BICRAL: variants seen among roughly 807,000 people sequenced by gnomAD.
The protein encoded by BICRAL is BRD4-interacting chromatin-remodeling complex-associated protein-like.
BICRAL carries 8 observed loss-of-function variants against 91.8 expected under a neutral mutation model. The ratio of observed to expected loss-of-function variants is 0.09; its 90% CI spans 0.05 to 0.16. BICRAL has a LOEUF of 0.16. Ranked by LOEUF, BICRAL falls within the 10% of genes least tolerant of loss-of-function variation. BICRAL has a pLI of 1.00. For synonymous variants in BICRAL, 445 were observed against 491.1 expected (o/e 0.91, Z 1.24); for missense variants, 1,038 against 1,310.9 (o/e 0.79, Z 3.21).
At chr6:42,812,751 G>A (rs1026868397) in intron 2 of BICRAL, among the ~76,000 whole-genome samples, 1 of 152,082 alleles carries the variant, frequency 6.6e-6, no homozygotes, top group African/African-American at 2.4e-5. Flanking sequence ...ACTAAAAAAG[G>A]CCAGGCATGG....
chr6:42,780,918 G>A (rs1056064646), upstream of BICRAL, among the ~76,000 whole-genome samples: 1 of 152,122 alleles, frequency 6.6e-6, no homozygotes, highest in South Asian at 2.1e-4. Flanking sequence ...TGTATTTTTA[G>A]TAGAGACAGG....
intron 6 of BICRAL, among the ~76,000 whole-genome samples, chr6:42,834,107 G>C (rs1333826926): frequency 6.6e-6 from 1 of 152,230 alleles, no homozygotes; most frequent in Non-Finnish European, 1.5e-5. Context: ...GCCTGATTCG[G>C]CCTCCCGGAG....
At chr6:42,845,532 T>A (rs1764980509) in intron 6 of BICRAL, among the ~76,000 whole-genome samples, 1 of 151,984 alleles carries the variant, frequency 6.6e-6, no homozygotes, top group Admixed American at 6.6e-5. Flanking sequence ...CCAGGAAGTA[T>A]AGTGTAGCAC....
Position 42,826,033 on chromosome 6 carries a change from G to A in BICRAL, c.160-2460G>A, listed in dbSNP as rs117441403. Among the ~76,000 whole-genome samples the A allele has an allele frequency of 6.4e-3, 952 of 148,878 alleles. 50 individuals carry two copies. The East Asian group carries it at 0.13, about 21-fold the overall frequency. ...AGGAAGGCGGAAGTTGCAGTGAGTC[G>A]AGATCGGGCCACTGCACTCCAGCAT... On this transcript the variant is annotated intron_variant, in intron 5 of 12. Transcript: ENST00000314073.
At chr6:42,828,265 G>A (rs577260336) in intron 5 of BICRAL, among the ~76,000 whole-genome samples, 2 of 152,120 alleles carry the variant, frequency 1.3e-5, no homozygotes, top group South Asian at 2.1e-4. Flanking sequence ...GCTGGGCGCG[G>A]TGGCAGGCGC....
intron 1 of BICRAL, among the ~76,000 whole-genome samples, chr6:42,787,208 G>A (rs1281945588): frequency 6.6e-6 from 1 of 152,144 alleles, no homozygotes; most frequent in Non-Finnish European, 1.5e-5. Context: ...GGAATCAAGG[G>A]TGCCTTCAGG....
chr6:42,829,870 C>T lies in BICRAL; in HGVS notation c.1537C>T (p.Pro513Ser), dbSNP rs780872222. The change falls in exon 6 of 13, where the codon CCT becomes TCT. Residue 513 changes from proline to serine, a missense_variant. Pro to Ser is a moderately conservative substitution (Grantham distance 74). Around this residue, in one of 5 missense-constraint regions of BICRAL, gnomAD observed 532 missense variants for 724.9 expected, o/e 0.73. Transcript: ENST00000314073. ...ATCCCCAACTGTATTACACCTGTCA[C>T]CTGGGCAGAGCAGCGTTTCCCAAGG... is the stretch of plus-strand genomic sequence containing the variant. Reference protein sequence around the residue: ...QASPTVLHLSPGQSSVSQGRP... With the variant: ...QASPTVLHLSSGQSSVSQGRP... 1 of 1,614,196 alleles carries T rather than the reference C, an allele frequency of 6.2e-7. No individual in the cohort carries two copies. The highest frequency in any genetic ancestry group is 2.2e-5 in the East Asian group (1 of 44,874).
intron 1 of BICRAL, among the ~76,000 whole-genome samples, chr6:42,756,627 C>T (rs552311581): frequency 3.6e-4 from 54 of 151,974 alleles, no homozygotes; most frequent in African/African-American, 9.9e-4. Flanking sequence ...TTTTTATTGC[C>T]CCAGAGATCT....
Position 42,776,251 on chromosome 6 carries a change from C to G in BICRAL, c.-260-5588C>G, listed in dbSNP as rs377239899. 2.4e-4 allele frequency among the ~76,000 whole-genome samples: 36 copies of G among 152,182 alleles called. 2 individuals are homozygous for G. In the East Asian group the frequency reaches 4.3e-3, roughly 18 times the overall value. On this transcript the variant is annotated intron_variant, in intron 1 of 14. Transcript: ENST00000614467. Reference sequence around the variant, plus strand: ...TGACCAGGCTGGTCTCTTGGCCAGGCTGGTCTTGAACTCCTGACATTGTGA... The same window carrying G: ...TGACCAGGCTGGTCTCTTGGCCAGGGTGGTCTTGAACTCCTGACATTGTGA...
chr6:42,855,888 T>C lies in BICRAL; in HGVS notation c.2079T>C (p.Pro693=), dbSNP rs1205572641. Residue 693 remains proline, a synonymous_variant, in exon 9 of 13, where the codon CCT becomes CCC. Coordinates refer to ENST00000314073, the MANE Select transcript of BICRAL (RefSeq NM_001393499.1). ...VESHSGGQKR[P]AAKQLTKGAF... ...GTCATTCGGGAGGACAAAAAAGGCC[T>C]GCTGCGAAACAGCTAACGAAAGGAG... 6.2e-7 allele frequency: 1 copy of C among 1,613,910 alleles called. No individual in the cohort carries two copies. Among genetic ancestry groups the C allele is most frequent in the African/African-American group, 1.3e-5 (1 of 75,044 alleles).
At chr6:42,757,771 T>A (rs1762484504) in intron 1 of BICRAL, among the ~76,000 whole-genome samples, 1 of 152,246 alleles carries the variant, frequency 6.6e-6, no homozygotes, top group Non-Finnish European at 1.5e-5. Context: ...AACATCCCTG[T>A]GATGTACATA....
intron 6 of BICRAL, among the ~76,000 whole-genome samples, chr6:42,835,329 A>T (rs1265838561): frequency 6.6e-6 from 1 of 151,912 alleles, no homozygotes; most frequent in African/African-American, 2.4e-5. Context: ...GGGTTTTACC[A>T]TGTTGGCAAG....
chr6:42,770,307 C>T (rs1762698550), intron 1 of BICRAL, among the ~76,000 whole-genome samples: 1 of 152,102 alleles, frequency 6.6e-6, no homozygotes, highest in Non-Finnish European at 1.5e-5. Context: ...CGGCTCACTG[C>T]AACCTTCGCC....
At chr6:42,805,914 A>G (rs2113907042) in intron 1 of BICRAL, among the ~76,000 whole-genome samples, 1 of 152,014 alleles carries the variant, frequency 6.6e-6, no homozygotes, top group East Asian at 1.9e-4. Flanking sequence ...AGGCAGGAGA[A>G]TGGCGTGAAC....
At chr6:42,857,983 A>AT (rs1765438027) in intron 10 of BICRAL, among the ~76,000 whole-genome samples, 1 of 147,814 alleles carries the variant, frequency 6.8e-6, no homozygotes, top group Admixed American at 6.7e-5. Context: ...TAATTTTTGT[A>AT]TTTTTTTAGT....
rs570869716 is a variant in BICRAL, at chr6:42,791,670, C to G, written c.-102+9569C>G. 9.2e-5 allele frequency among the ~76,000 whole-genome samples: 14 copies of G among 152,266 alleles called. No individual in the cohort carries two copies. The South Asian group carries it at 2.7e-3, about 29-fold the overall frequency. ...TTTGAGATGAGAACTCACTATGTTGCACAGGCGTGTCTCAAACTCCTGGGC... is the reference window on the plus strand; with the variant it reads ...TTTGAGATGAGAACTCACTATGTTGGACAGGCGTGTCTCAAACTCCTGGGC... On this transcript the variant is annotated intron_variant, in intron 1 of 12. Transcript: ENST00000314073.
chr6:42,846,126 C>G (rs1248594571), intron 6 of BICRAL, among the ~76,000 whole-genome samples: 1 of 151,334 alleles, frequency 6.6e-6, no homozygotes, highest in East Asian at 1.9e-4. Flanking sequence ...CCTGTAATCC[C>G]AGCACTTTCA....
At chr6:42,777,971 G>A (rs560380688), upstream of BICRAL, among the ~76,000 whole-genome samples, 5 of 152,074 alleles carry the variant, frequency 3.3e-5, no homozygotes, top group South Asian at 8.3e-4. Flanking sequence ...CCAAAATCCT[G>A]TCTATATAAA....
intron 1 of BICRAL, among the ~76,000 whole-genome samples, chr6:42,753,983 G>A (rs1762420919): frequency 6.8e-6 from 1 of 146,332 alleles, no homozygotes. Flanking sequence ...GAAGGCATGA[G>A]CACTTCCCAA....
Sources: allele counts gnomAD v4.1 joint callset (sites outside exome capture counted in the v4.1 genomes callset), GRCh38; gene constraint gnomAD v4.1.1; regional missense constraint gnomAD v4.1.1; transcripts MANE v1.5; gene names NCBI Gene and HGNC (gene_info 2026-07-23, HGNC 2026-07-21).